CD4: variants seen among roughly 807,000 people sequenced by gnomAD.
The protein encoded by CD4 is CD4 molecule.
Under a neutral mutation model 50.5 loss-of-function variants are expected in CD4, and 25 were observed. That is an observed-to-expected ratio of 0.49 (90% CI 0.36 to 0.69). CD4 has a LOEUF of 0.69. Among genes scored for constraint, CD4 ranks in the 30% least tolerant of loss-of-function variants. The pLI, the probability that CD4 is intolerant of heterozygous loss-of-function variation, is 0.00. For missense variants in CD4, 456 were observed against 548.5 expected, an observed-to-expected ratio of 0.83 and a Z score of 1.68; for synonymous variants, 207 against 221.9, an observed-to-expected ratio of 0.93 and a Z score of 0.60.
intron 1 of CD4, among the ~76,000 whole-genome samples, chr12:6,797,482 A>C (rs903935504): frequency 6.6e-6 from 1 of 152,190 alleles, no homozygotes; most frequent in Non-Finnish European, 1.5e-5. Flanking sequence ...AATAAGACAC[A>C]GAGAAAGTAT....
chr12:6,815,002 G>GCCCC lies in CD4; in HGVS notation c.607+11_607+14dup. On this transcript the variant is annotated intron_variant, in intron 5 of 9. Coordinates refer to ENST00000011653, the MANE Select transcript of CD4 (RefSeq NM_000616.5). ...GACATCGTGGTGCTAGGTAAGGGAA[G>GCCCC]CCCCTCTTCGCGCAGTCTCCTCCCT... 1 of 1,580,294 alleles carries GCCCC rather than the reference G, an allele frequency of 6.3e-7. No homozygotes were observed. The highest frequency in any genetic ancestry group is 8.7e-7 in the Non-Finnish European group (1 of 1,152,110).
chr12:6,800,309 C>T lies in CD4; in HGVS notation c.52C>T (p.Leu18Phe). Residue 18 changes from leucine to phenylalanine, a missense_variant and splice_region_variant, in exon 3 of 10, where the codon CTC becomes TTC. Transcript: ENST00000011653. ...RHLLLVLQLALLPAATQGKKV... is the reference protein window; with the variant it reads ...RHLLLVLQLAFLPAATQGKKV... ...TGACTCCTTTCTTTTCCACTTAGCG[C>T]TCCTCCCAGCAGCCACTCAGGGAAA... 3 of 1,613,792 alleles carry T rather than the reference C, an allele frequency of 1.9e-6. No homozygotes were observed. The highest frequency in any genetic ancestry group is 2.5e-6 in the Non-Finnish European group (3 of 1,179,916).
intron 1 of CD4, among the ~76,000 whole-genome samples, chr12:6,794,004 A>ATCTATCTATCTATCTATCTC (rs1442402694): frequency 6.7e-6 from 1 of 149,990 alleles, no homozygotes; most frequent in African/African-American, 2.5e-5. Context: ...CTATCTATCT[A>ATCTATCTATCTATCTATCTC]TCACCTATCT....
chr12:6,819,254 T>A (rs1555118645), intron 9 of CD4, 45 bp from the exon 10 acceptor site: 1 of 1,605,848 alleles, frequency 6.2e-7, no homozygotes. Context: ...CGCAAAGGGG[T>A]TGCAGTGGGG....
At chr12:6,805,352 C>T (rs1159185394) in intron 3 of CD4, among the ~76,000 whole-genome samples, 5 of 151,740 alleles carry the variant, frequency 3.3e-5, no homozygotes, top group Non-Finnish European at 5.9e-5. Context: ...CACTTGAAGT[C>T]GGGAGTTTGA....
At position 6,800,103 on chromosome 12, in the gene CD4, C is replaced by A. The variant is rs782732245; in HGVS notation, c.-36C>A. ...CCATTTCTGTGGGCTCAGGTCCCTA[C>A]TGGCTCAGGCCCCTGCCTCCCTCGG... is the stretch of plus-strand genomic sequence containing the variant. On this transcript the variant is annotated 5_prime_UTR_variant, in exon 2 of 10. It adds an upstream start codon to the 5' untranslated region. Transcript: ENST00000011653. The A allele has an allele frequency of 1.9e-6, 3 of 1,606,416 alleles. No homozygotes were observed. The highest frequency in any genetic ancestry group is 2.7e-5 in the African/African-American group (2 of 74,796).
At position 6,795,438 on chromosome 12, in the gene CD4, C is replaced by T. The variant is rs947276837; in HGVS notation, c.-67-4634C>T. Among the ~76,000 whole-genome samples, 7 of 152,128 alleles carry T rather than the reference C, an allele frequency of 4.6e-5. No homozygotes were observed. In the East Asian group the frequency reaches 1.2e-3, roughly 25 times the overall value. Reference sequence around the variant, plus strand: ...CTTTTCTTATCTTCTCCTAAACCACCGTAAGAGGACCAAGCCCCCACACCT... The same window carrying T: ...CTTTTCTTATCTTCTCCTAAACCACTGTAAGAGGACCAAGCCCCCACACCT... On this transcript the variant is annotated intron_variant, in intron 1 of 9. Coordinates refer to ENST00000011653, the MANE Select transcript of CD4 (RefSeq NM_000616.5).
In CD4 at chr12:6,820,055, G is replaced by A. The variant is rs1330831253; in HGVS notation, c.*726G>A. On this transcript the variant is annotated 3_prime_UTR_variant, in exon 10 of 10. Transcript: ENST00000011653. ...GAGAGGCTAGATGATTGATTACCAA[G>A]TGCCGGACTAGCAAGTGCTGGAGTC... 1 of 152,356 alleles carries A rather than the reference G, an allele frequency of 6.6e-6. No individual in the cohort carries two copies. The highest frequency in any genetic ancestry group is 1.5e-5 in the Non-Finnish European group (1 of 68,086). The allele number at this position is 152,356 out of a possible 1,614,324, so 9.4% of individuals were successfully genotyped here.
rs56151134 is a variant in CD4 at position 6,819,412 on chromosome 12, C to T, written c.*83C>T. On this transcript the variant is annotated 3_prime_UTR_variant, in exon 10 of 10. Transcript: ENST00000011653. ...CTGCCTGCGGACCAGATGAATGTAG[C>T]AGATCCCCAGCCTCTGGCCTCCTGT... 1.4e-4 allele frequency: 185 copies of T among 1,319,526 alleles called. 2 individuals are homozygous for T. In the South Asian group the frequency reaches 1.7e-3, roughly 12 times the overall value. 81.7% of individuals were successfully genotyped at this position (1,319,526 alleles called of 1,614,324 possible). A position where few individuals can be genotyped will look rare whatever the true frequency, so the allele number is the denominator to read the frequency against.
chr12:6,797,615 T>A (rs1039548921), intron 1 of CD4, among the ~76,000 whole-genome samples: 1 of 152,018 alleles, frequency 6.6e-6, no homozygotes, highest in South Asian at 2.1e-4. Context: ...GAGGGGAATG[T>A]GGTGGGGCTA....
Position 6,792,473 on chromosome 12 carries a change from T to C in CD4, c.-68+2811T>C, listed in dbSNP as rs905066219. Among the ~76,000 whole-genome samples the C allele has an allele frequency of 5.9e-5, 9 of 152,160 alleles. No individual in the cohort carries two copies. The highest frequency in any genetic ancestry group is 2.6e-4 in the Admixed American group (4 of 15,268). ...GTACTACCCTGCGCTTTGTGTGTGATTGTGGATTGTGTGTGCATAGCTGTT... is the reference window on the plus strand; with the variant it reads ...GTACTACCCTGCGCTTTGTGTGTGACTGTGGATTGTGTGTGCATAGCTGTT... On this transcript the variant is annotated intron_variant, in intron 1 of 9. Transcript: ENST00000011653. The surrounding 1 kb of genome is among the most constrained non-coding windows in gnomAD (Gnocchi z 4.1).
chr12:6,791,606 C>T (rs573344785), intron 1 of CD4, among the ~76,000 whole-genome samples: 28 of 152,290 alleles, frequency 1.8e-4, no homozygotes, highest in East Asian at 1.4e-3. Flanking sequence ...ATGGGCCGGG[C>T]GTGGTGGCCC....
chr12:6,795,125 T>TATCTATCTATC (rs1555114251), intron 1 of CD4, among the ~76,000 whole-genome samples: 8 of 151,872 alleles, frequency 5.3e-5, no homozygotes, highest in Non-Finnish European at 1.0e-4. Flanking sequence ...TCTATCTATC[T>TATCTATCTATC]ATCTATCTAT....
rs1555118612 is a variant in CD4 at position 6,819,034 on chromosome 12, TTGAGGAGGAAGAGC to T, written c.1346+123_1346+136del. The stretch of plus-strand genomic sequence containing the variant: ...AGGGAGGATGGAGAGGAGGAAGGAG[TTGAGGAGGAAGAGC>T]TGGGAGGGGTGGAGGTGAGGAGATG... On this transcript the variant is annotated intron_variant, in intron 9 of 9. Transcript: ENST00000011653. 4.3e-6 allele frequency: 3 copies of T among 700,946 alleles called. No individual in the cohort carries two copies. In the East Asian group the frequency reaches 1.0e-4, roughly 23 times the overall value. 43.4% of individuals were successfully genotyped at this position (700,946 alleles called of 1,614,324 possible).
rs962293910 is a variant in CD4 at position 6,818,276 on chromosome 12, C to T, written c.1157-145C>T. ...AAAACCGATTCCCCAGCACTGGCGG[C>T]CTTTGAGAGCCCCCAGGCACCCCTC... On this transcript the variant is annotated intron_variant, in intron 7 of 9. Transcript: ENST00000011653. This position sits in a 1 kb window ranked among gnomAD's most constrained non-coding sequence, Gnocchi z 5.0. The T allele has an allele frequency of 6.4e-6, 6 of 939,094 alleles. No individual in the cohort carries two copies. In the Admixed American group the frequency reaches 9.2e-5, roughly 14 times the overall value. 58.2% of individuals were successfully genotyped at this position (939,094 alleles called of 1,614,324 possible). A position where few individuals can be genotyped will look rare whatever the true frequency, so the allele number is the denominator to read the frequency against.
rs183267355 is a variant in CD4, at chr12:6,798,364, G to T, written c.-67-1708G>T. ...TTTTTGTATTTTTTTAGTAGAGATG[G>T]GGTTTCACCGTGTTCACCAGGATGG... On this transcript the variant is annotated intron_variant, in intron 1 of 9. Coordinates refer to ENST00000011653, the MANE Select transcript of CD4 (RefSeq NM_000616.5). Among the ~76,000 whole-genome samples the T allele has an allele frequency of 1.8e-3, 220 of 120,574 alleles. 34 individuals carry two copies. Among genetic ancestry groups the T allele is most frequent in the African/African-American group, 6.6e-3 (216 of 32,730 alleles). The allele number at this position is 120,574 out of a possible 152,430, so 79.1% of individuals were successfully genotyped here. A position where few individuals can be genotyped will look rare whatever the true frequency, so the allele number is the denominator to read the frequency against.
chr12:6,794,073 A>T (rs1942287939), intron 1 of CD4, among the ~76,000 whole-genome samples: 1 of 147,424 alleles, frequency 6.8e-6, no homozygotes, highest in South Asian at 2.1e-4. Flanking sequence ...CTATTGATCT[A>T]TCTATCTTTT....
At chr12:6,797,727 T>A (rs555676384) in intron 1 of CD4, among the ~76,000 whole-genome samples, 1 of 152,290 alleles carries the variant, frequency 6.6e-6, no homozygotes, top group South Asian at 2.1e-4. Context: ...TGTGCTAGAT[T>A]TATGTTTAAC....
chr12:6,819,258 A>G, intron 9 of CD4, 41 bp from the exon 10 acceptor site: 1 of 1,609,172 alleles, frequency 6.2e-7, no homozygotes, highest in Non-Finnish European at 8.5e-7. Context: ...AAGGGGTTGC[A>G]GTGGGGACAG....
Sources: gnomAD v4.1 joint callset for allele counts (sites outside exome capture counted in the v4.1 genomes callset) on GRCh38, gnomAD v4.1.1 for gene constraint, Gnocchi (gnomAD v3.1) non-coding constraint, MANE v1.5 for transcripts, NCBI Gene and HGNC (gene_info 2026-07-23, HGNC 2026-07-21) for gene names.